The following AKAP12 variants were observed in gnomAD, a reference collection of about 807,000 sequenced individuals.
AKAP12 encodes the protein A-kinase anchoring protein 12, also known as A-kinase anchor protein 12.
AKAP12 carries 32 observed loss-of-function variants against 79.9 expected under a neutral mutation model. That is an observed-to-expected ratio of 0.40 (90% CI 0.30 to 0.54). The LOEUF (loss-of-function observed/expected upper bound fraction) is 0.54, where lower values mean the gene tolerates loss of function less well. Ranked by LOEUF, AKAP12 falls within the 20% of genes least tolerant of loss-of-function variation. The pLI is 0.48. For synonymous variants in AKAP12, 808 were observed against 857.0 expected (o/e 0.94, Z 1.00); for missense variants, 2,074 against 2,177.0 (o/e 0.95, Z 0.94).
Position 151,305,936 on chromosome 6 carries a change from C to T in AKAP12, c.319+33C>T, listed in dbSNP as rs1389677007. 3.2e-6 allele frequency: 5 copies of T among 1,569,958 alleles called. No individual in the cohort carries two copies. In the African/African-American group the frequency reaches 6.8e-5, roughly 21 times the overall value. On this transcript the variant is annotated intron_variant, in intron 3 of 4. Coordinates refer to ENST00000402676, the MANE Select transcript of AKAP12 (RefSeq NM_005100.4). Reference sequence around the variant, plus strand: ...GCCCCTCCAGGAACTGGAAGGCACACAGCACTTGCAACAAACTTTGGACTC... The same window carrying T: ...GCCCCTCCAGGAACTGGAAGGCACATAGCACTTGCAACAAACTTTGGACTC...
chr6:151,289,583 A>T (rs114756171), intron 2 of AKAP12, among the ~76,000 whole-genome samples: 13 of 152,234 alleles, frequency 8.5e-5, no homozygotes, highest in African/African-American at 3.1e-4. Flanking sequence ...TTTTCTCAGT[A>T]GAGTAAGGTC....
chr6:151,272,093 G>C (rs1021213544), intron 2 of AKAP12, among the ~76,000 whole-genome samples: 2 of 151,910 alleles, frequency 1.3e-5, no homozygotes, highest in Admixed American at 1.3e-4. Flanking sequence ...TAATCCCTGC[G>C]CTGTGGGAGG....
Position 151,351,478 on chromosome 6 carries a change from A to G in AKAP12, c.3087A>G (p.Val1029=). 1.9e-6 allele frequency: 3 copies of G among 1,614,222 alleles called. No individual in the cohort carries two copies. The highest frequency in any genetic ancestry group is 2.2e-5 in the South Asian group (2 of 91,088). ...CGGTGCAGGAGGTGGAAGGTGGCGT[A>G]CCTGACATAGAAGAGCAAGAGAGGC... ...ATPVQEVEGG[V]PDIEEQERRT... The change falls in exon 4 of 5, where the codon GTA becomes GTG. Residue 1029 remains valine, a synonymous_variant. Transcript: ENST00000402676. The surrounding 1 kb of genome is among the most constrained non-coding windows in gnomAD (Gnocchi z 4.4).
intron 3 of AKAP12, among the ~76,000 whole-genome samples, chr6:151,345,359 G>A (rs560063401): frequency 6.6e-6 from 1 of 152,182 alleles, no homozygotes; most frequent in South Asian, 2.1e-4. Flanking sequence ...ACAGGCGTGA[G>A]CCACCGCGCC....
chr6:151,268,009 A>G (rs957468669), intron 2 of AKAP12, among the ~76,000 whole-genome samples: 1 of 151,998 alleles, frequency 6.6e-6, no homozygotes, highest in Non-Finnish European at 1.5e-5. Flanking sequence ...CTTGAGTGTC[A>G]CCTTCCTACC....
intron 3 of AKAP12, chr6:151,323,984 G>A (rs1292171001): frequency 5.1e-6 from 5 of 985,358 alleles, no homozygotes; most frequent in Non-Finnish European, 6.0e-6. Context: ...ATCCCAAGTC[G>A]TCTTTATCCA....
intron 1 of AKAP12, 36 bp from the exon 2 acceptor site, chr6:151,240,348 G>A (rs2114668601): frequency 4.5e-6 from 2 of 446,048 alleles, no homozygotes; most frequent in East Asian, 3.7e-5. Flanking sequence ...CGGAGGCTAA[G>A]AGGTGGCCTT....
At chr6:151,318,921 G>C (rs777812562) in intron 3 of AKAP12, among the ~76,000 whole-genome samples, 1 of 152,190 alleles carries the variant, frequency 6.6e-6, no homozygotes, top group South Asian at 2.1e-4. Context: ...CTGGGTGACA[G>C]AGTGAGACCC....
chr6:151,339,138 A>G (rs1294545991), intron 3 of AKAP12, among the ~76,000 whole-genome samples: 2 of 152,268 alleles, frequency 1.3e-5, no homozygotes, highest in African/African-American at 4.8e-5. Flanking sequence ...CACATTAGAC[A>G]TAAAGCAGTT....
At chr6:151,294,293 T>C (rs1387224692) in intron 2 of AKAP12, among the ~76,000 whole-genome samples, 1 of 152,132 alleles carries the variant, frequency 6.6e-6, no homozygotes, top group Non-Finnish European at 1.5e-5. Context: ...CCTGATTCTA[T>C]GAGGCTGTGA....
rs763818466 is a variant in AKAP12, at chr6:151,350,757, T to C, written c.2366T>C (p.Val789Ala). ...GAAGACTCCATAGCTGGGTCTGGTGTAGAACATTCCACTCCAGACACTGAA... is the reference window on the plus strand; with the variant it reads ...GAAGACTCCATAGCTGGGTCTGGTGCAGAACATTCCACTCCAGACACTGAA... ...KSEDSIAGSG[V>A]EHSTPDTEPG... The change falls in exon 4 of 5, where the codon GTA (valine) becomes GCA (alanine). Residue 789 changes from valine (V) to alanine (A), a missense_variant. Coordinates refer to ENST00000402676, the MANE Select transcript of AKAP12 (RefSeq NM_005100.4). The surrounding 1 kb of genome is among the most constrained non-coding windows in gnomAD (Gnocchi z 4.8). The C allele has an allele frequency of 6.2e-7, 1 of 1,614,010 alleles. No homozygotes were observed. The highest frequency in any genetic ancestry group is 8.5e-7 in the Non-Finnish European group (1 of 1,179,990).
intron 2 of AKAP12, among the ~76,000 whole-genome samples, chr6:151,275,156 A>G (rs990719249): frequency 3.3e-5 from 5 of 152,016 alleles, no homozygotes; most frequent in African/African-American, 4.8e-5. Flanking sequence ...TGTTTGACCC[A>G]TATGTGATAA....
chr6:151,311,729 A>G (rs1295504389), intron 3 of AKAP12, among the ~76,000 whole-genome samples: 1 of 152,138 alleles, frequency 6.6e-6, no homozygotes, highest in Non-Finnish European at 1.5e-5. Flanking sequence ...TAAATTTGCC[A>G]TTTGAACCCA....
intron 2 of AKAP12, among the ~76,000 whole-genome samples, chr6:151,275,437 A>G (rs897273661): frequency 2.0e-5 from 3 of 152,146 alleles, no homozygotes; most frequent in African/African-American, 2.4e-5. Context: ...GGGAAAAAAA[A>G]TCTGTAGAAG....
At position 151,350,008 on chromosome 6, in the gene AKAP12, A is replaced by C; in HGVS notation, c.1617A>C (p.Gly539=). Residue 539 remains glycine (G), a synonymous_variant, in exon 4 of 5, where the codon GGA becomes GGC. Coordinates refer to ENST00000402676, the MANE Select transcript of AKAP12 (RefSeq NM_005100.4). This position sits in a 1 kb window ranked among gnomAD's most constrained non-coding sequence, Gnocchi z 4.8. ...AGAAACAGAAAGGGAAAAGAGGAGG[A>C]GGAGACGAGGAATCAGGGGAGCACA... ...SGKKQKGKRG[G]GDEESGEHTQ... 6.2e-7 allele frequency: 1 copy of C among 1,614,106 alleles called. No individual in the cohort carries two copies. Among genetic ancestry groups the C allele is most frequent in the East Asian group, 2.2e-5 (1 of 44,866 alleles).
intron 2 of AKAP12, among the ~76,000 whole-genome samples, chr6:151,298,396 A>G (rs968805366): frequency 6.6e-6 from 1 of 152,210 alleles, no homozygotes; most frequent in Non-Finnish European, 1.5e-5. Context: ...AATTATTGAG[A>G]ACAAATAGTA....
chr6:151,253,382 G>A (rs1191082069), intron 2 of AKAP12, among the ~76,000 whole-genome samples: 2 of 151,890 alleles, frequency 1.3e-5, no homozygotes, highest in African/African-American at 2.4e-5. Context: ...TCTTTTGTTC[G>A]TTTTAATTTT....
Position 151,352,913 on chromosome 6 carries a change from C to T in AKAP12, c.4522C>T (p.Leu1508=). The change falls in exon 4 of 5, where the codon CTG becomes TTG. Residue 1508 remains leucine (L), a synonymous_variant. Transcript: ENST00000402676. ...CCTGGAAGGAGAGAAAACCACATCA[C>T]TGAAGTGGAAGTCAGATGAAGTCGA... ...SDLEGEKTTS[L]KWKSDEVDEQ... is the part of the protein sequence containing the mutation. 2 of 1,614,148 alleles carry T rather than the reference C, an allele frequency of 1.2e-6. No individual in the cohort carries two copies. Among genetic ancestry groups the T allele is most frequent in the Non-Finnish European group, 1.7e-6 (2 of 1,180,034 alleles).
Position 151,352,314 on chromosome 6 carries a change from G to A in AKAP12, c.3923G>A (p.Gly1308Glu), listed in dbSNP as rs1778315854. The A allele has an allele frequency of 6.2e-7, 1 of 1,614,032 alleles. No individual in the cohort carries two copies. The highest frequency in any genetic ancestry group is 1.3e-5 in the African/African-American group (1 of 74,900). ...KVTEVALKGE[G>E]TEEAECKKDD... ...ACTGAAGTTGCCCTTAAAGGTGAAG[G>A]GACAGAAGAAGCTGAATGTAAAAAG... Residue 1308 changes from glycine (G) to glutamate (E), a missense_variant, in exon 4 of 5, where the codon GGG becomes GAG. Transcript: ENST00000402676.
Sources: gnomAD v4.1 joint callset for allele counts (sites outside exome capture counted in the v4.1 genomes callset) on GRCh38, gnomAD v4.1.1 for gene constraint, Gnocchi (gnomAD v3.1) non-coding constraint, MANE v1.5 for transcripts, NCBI Gene and HGNC (gene_info 2026-07-23, HGNC 2026-07-21) for gene names.